Variants in EBF1 observed in about 807,000 individuals in gnomAD.
EBF1 encodes the protein transcription factor COE1.
In EBF1, 10 loss-of-function variants were observed where a neutral mutation model predicts 68.4. The observed-to-expected ratio is 0.15, with a 90% CI of 0.09 to 0.25. The LOEUF is 0.25. Among genes scored for constraint, EBF1 ranks in the 10% least tolerant of loss-of-function variants. The pLI is 1.00. For missense variants in EBF1, 509 were observed against 794.4 expected (o/e 0.64, Z 4.32); for synonymous variants, 298 against 299.8 (o/e 0.99, Z 0.06).
At chr5:159,053,637 A>ACC (rs1554122912) in intron 6 of EBF1, among the ~76,000 whole-genome samples, 34 of 148,872 alleles carry the variant, frequency 2.3e-4, no homozygotes, top group East Asian at 5.9e-4. Flanking sequence ...ACACACACAC[A>ACC]CCCCAGACAT....
At chr5:158,876,730 G>A (rs1360344998) in intron 6 of EBF1, among the ~76,000 whole-genome samples, 6 of 152,172 alleles carry the variant, frequency 3.9e-5, no homozygotes, top group Non-Finnish European at 5.9e-5. Context: ...CAAGGCAACC[G>A]AGTGAAACGC....
chr5:158,797,342 ATCTC>A (rs1056651478), intron 8 of EBF1, among the ~76,000 whole-genome samples: 69 of 152,262 alleles, frequency 4.5e-4, no homozygotes, highest in African/African-American at 1.6e-3. Flanking sequence ...TGTTTTTAAA[ATCTC>A]TCAGGGTGCA....
At chr5:158,875,525 A>G (rs2128073756) in intron 6 of EBF1, among the ~76,000 whole-genome samples, 1 of 152,338 alleles carries the variant, frequency 6.6e-6, no homozygotes, top group East Asian at 1.9e-4. Context: ...TCATAAGACA[A>G]AACAAATATT....
rs1321441148 is a variant in EBF1, at chr5:158,796,374, T to C, written c.880A>G (p.Ile294Val). The change falls in exon 9 of 16, where the codon ATA (isoleucine) becomes GTA (valine). Residue 294 changes from isoleucine to valine, a missense_variant. Physicochemically the swap from Ile to Val is conservative, Grantham distance 29. Transcript: ENST00000313708. ...CTCCAGACCAGCATGGTACCGAATATGACCTGTAACCCATCAAAGAAATTG... is the reference window on the plus strand; with the variant it reads ...CTCCAGACCAGCATGGTACCGAATACGACCTGTAACCCATCAAAGAAATTG... ...GDNFFDGLQV[I>V]FGTMLVWSEL... The C allele has an allele frequency of 1.2e-6, 2 of 1,613,458 alleles. No individual in the cohort carries two copies. The highest frequency in any genetic ancestry group is 3.3e-5 in the Admixed American group (2 of 59,976).
chr5:158,792,861 C>T (rs1778924800), intron 9 of EBF1, among the ~76,000 whole-genome samples: 1 of 152,124 alleles, frequency 6.6e-6, no homozygotes, highest in Non-Finnish European at 1.5e-5. Flanking sequence ...TGAAGGGAAG[C>T]CCTCTTACCT....
intron 6 of EBF1, among the ~76,000 whole-genome samples, chr5:158,955,354 G>T (rs1035371328): frequency 2.0e-5 from 3 of 152,034 alleles, no homozygotes; most frequent in Non-Finnish European, 4.4e-5. Flanking sequence ...AGAAGTAATT[G>T]CAGAGTAGAT....
At chr5:158,999,322 C>T (rs575408716) in intron 6 of EBF1, among the ~76,000 whole-genome samples, 2 of 152,328 alleles carry the variant, frequency 1.3e-5, no homozygotes, top group South Asian at 2.1e-4. Flanking sequence ...AAATTTTCTT[C>T]ACTTCAACCA....
intron 10 of EBF1, among the ~76,000 whole-genome samples, chr5:158,749,173 G>A (rs1202982877): frequency 1.3e-5 from 2 of 152,154 alleles, no homozygotes; most frequent in Non-Finnish European, 2.9e-5. Flanking sequence ...GGGTGCAAGA[G>A]TATGTATCTC....
chr5:158,833,426 T>C (rs955759404), intron 7 of EBF1, among the ~76,000 whole-genome samples: 1 of 152,244 alleles, frequency 6.6e-6, no homozygotes, highest in Non-Finnish European at 1.5e-5. Context: ...AATTGTTAAT[T>C]TGTACACATC....
At chr5:158,963,607 T>C (rs1051846143) in intron 6 of EBF1, among the ~76,000 whole-genome samples, 2 of 152,228 alleles carry the variant, frequency 1.3e-5, no homozygotes, top group Non-Finnish European at 2.9e-5. Flanking sequence ...CCTGTGCTTT[T>C]AAAGGTGCTA....
chr5:158,777,868 C>A (rs1457996067), intron 9 of EBF1, among the ~76,000 whole-genome samples: 1 of 152,122 alleles, frequency 6.6e-6, no homozygotes, highest in Non-Finnish European at 1.5e-5. Flanking sequence ...CAGAGCCGAG[C>A]TTTGCCGTGA....
chr5:159,032,784 T>A (rs1769184235), intron 6 of EBF1, among the ~76,000 whole-genome samples: 1 of 152,200 alleles, frequency 6.6e-6, no homozygotes, highest in Non-Finnish European at 1.5e-5. Flanking sequence ...AATGAGTATA[T>A]CCAAAGAATG....
intron 10 of EBF1, among the ~76,000 whole-genome samples, chr5:158,768,760 G>T (rs73816054): frequency 0.012 from 1,843 of 152,190 alleles, 40 homozygotes; most frequent in African/African-American, 0.042. Context: ...AAGAGGAAAA[G>T]AAATTTAGAG....
intron 6 of EBF1, among the ~76,000 whole-genome samples, chr5:159,014,486 G>T (rs1765290819): frequency 6.6e-6 from 1 of 152,192 alleles, no homozygotes; most frequent in Admixed American, 6.5e-5. Context: ...AACTCCAGGA[G>T]TGTTATGAGG....
chr5:158,954,173 A>C (rs915174012), intron 6 of EBF1, among the ~76,000 whole-genome samples: 1 of 151,758 alleles, frequency 6.6e-6, no homozygotes, highest in Non-Finnish European at 1.5e-5. Flanking sequence ...TTCCTGATAC[A>C]TGTTGAGATC....
At chr5:158,774,257 C>T (rs1479018333) in intron 10 of EBF1, among the ~76,000 whole-genome samples, 1 of 152,034 alleles carries the variant, frequency 6.6e-6, no homozygotes, top group African/African-American at 2.4e-5. Context: ...CAAGGGGAGC[C>T]AGCTTGCAGG....
intron 10 of EBF1, among the ~76,000 whole-genome samples, chr5:158,773,502 T>A (rs1239373652): frequency 6.6e-6 from 1 of 152,124 alleles, no homozygotes; most frequent in East Asian, 1.9e-4. Context: ...TGTTAGATGA[T>A]CATTCATCAG....
At chr5:159,090,318 A>T (rs73305738) in intron 4 of EBF1, among the ~76,000 whole-genome samples, 2,142 of 152,090 alleles carry the variant, frequency 0.014, 46 homozygotes, top group African/African-American at 0.048. Context: ...AAGGCACACT[A>T]GTTAAAAATT....
At chr5:158,714,858 A>G (rs1760283126) in intron 11 of EBF1, among the ~76,000 whole-genome samples, 2 of 152,082 alleles carry the variant, frequency 1.3e-5, no homozygotes, top group Non-Finnish European at 2.9e-5. Context: ...GATTTCCCCC[A>G]TTTGCTCATT....
Sources: allele counts gnomAD v4.1 joint callset (sites outside exome capture counted in the v4.1 genomes callset), GRCh38; gene constraint gnomAD v4.1.1; transcripts MANE v1.5; gene names NCBI Gene and HGNC (gene_info 2026-07-23, HGNC 2026-07-21).